RAB37: variants seen among roughly 807,000 people sequenced by gnomAD.
RAB37 encodes ras-related protein Rab-37.
Under a neutral mutation model 33.1 loss-of-function variants are expected in RAB37, and 29 were observed. The observed-to-expected ratio is 0.88, with a 90% CI of 0.65 to 1.20. The LOEUF (loss-of-function observed/expected upper bound fraction) is 1.20, where lower values mean the gene tolerates loss of function less well. Among genes scored for constraint, RAB37 ranks in the 50% most tolerant of loss-of-function variants. RAB37 has a pLI of 0.00. For synonymous variants in RAB37, 128 were observed against 119.5 expected (o/e 1.07, Z -0.47); for missense variants, 299 against 301.1 (o/e 0.99, Z 0.05).
At chr17:74,674,094 T>G (rs2031767938) in intron 1 of RAB37, among the ~76,000 whole-genome samples, 1 of 152,158 alleles carries the variant, frequency 6.6e-6, no homozygotes. Context: ...ATTCTTTTTT[T>G]GAAGTGGGGT....
At chr17:74,716,513 AT>A (rs2034166380) in intron 1 of RAB37, among the ~76,000 whole-genome samples, 1 of 152,102 alleles carries the variant, frequency 6.6e-6, no homozygotes, top group Admixed American at 6.5e-5. Context: ...CATATTTTCC[AT>A]CATTATTACA....
At chr17:74,708,657 C>T (rs185949884) in intron 1 of RAB37, among the ~76,000 whole-genome samples, 3 of 152,318 alleles carry the variant, frequency 2.0e-5, no homozygotes, top group East Asian at 3.9e-4. Flanking sequence ...TGGCTTACAC[C>T]GGTAATCCCA....
chr17:74,736,881 G>C (rs910677477), upstream of RAB37: 2 of 1,496,922 alleles, frequency 1.3e-6, no homozygotes, highest in Non-Finnish European at 1.8e-6. Context: ...CCCACGGCCC[G>C]GGGCTCGGGC....
chr17:74,721,327 C>A (rs2034237033), intron 1 of RAB37, among the ~76,000 whole-genome samples: 2 of 152,266 alleles, frequency 1.3e-5, no homozygotes, highest in South Asian at 4.1e-4. Context: ...TTTCACAGTA[C>A]TGCATTGTAT....
At chr17:74,714,520 C>T (rs573107721) in intron 1 of RAB37, among the ~76,000 whole-genome samples, 2 of 152,032 alleles carry the variant, frequency 1.3e-5, no homozygotes, top group South Asian at 2.1e-4. Context: ...CCTGAGAACA[C>T]GAAGGAAGCT....
chr17:74,713,820 T>A (rs932727762), intron 1 of RAB37, among the ~76,000 whole-genome samples: 1 of 147,246 alleles, frequency 6.8e-6, no homozygotes, highest in East Asian at 2.0e-4. Context: ...CTCAGCACTT[T>A]AGGAGGCTGA....
intron 1 of RAB37, among the ~76,000 whole-genome samples, chr17:74,695,492 T>G (rs4789092): frequency 0.12 from 18,353 of 152,180 alleles, 2,399 homozygotes; most frequent in African/African-American, 0.32. Flanking sequence ...TCACTCAGCC[T>G]GTCTGGGACT....
intron 1 of RAB37, among the ~76,000 whole-genome samples, chr17:74,706,273 G>GA (rs144675318): frequency 0.023 from 3,116 of 137,512 alleles, 82 homozygotes; most frequent in African/African-American, 0.056. Flanking sequence ...CATTTTAAAG[G>GA]AAAAAAAAAA....
chr17:74,678,920 G>A (rs2031897168), intron 1 of RAB37, among the ~76,000 whole-genome samples: 2 of 152,070 alleles, frequency 1.3e-5, no homozygotes. Flanking sequence ...AGATCAGCCT[G>A]GCCAGCATGA....
chr17:74,697,803 A>G (rs1340754409), intron 1 of RAB37, among the ~76,000 whole-genome samples: 1 of 152,148 alleles, frequency 6.6e-6, no homozygotes, highest in African/African-American at 2.4e-5. Flanking sequence ...CAAGGGAGGG[A>G]CAGAAGGAAA....
intron 1 of RAB37, among the ~76,000 whole-genome samples, chr17:74,707,109 G>A (rs1462595811): frequency 6.6e-6 from 1 of 152,164 alleles, no homozygotes. Flanking sequence ...CAAAAGCACA[G>A]GCAACAAAAG....
chr17:74,728,756 ATG>A (rs1461414621), intron 1 of RAB37, among the ~76,000 whole-genome samples: 1 of 142,954 alleles, frequency 7.0e-6, no homozygotes, highest in African/African-American at 2.7e-5. Context: ...CTGTGTCTGT[ATG>A]TGTCTTGTGC....
chr17:74,741,628 A>T (rs897210627), intron 2 of RAB37, among the ~76,000 whole-genome samples: 4 of 149,266 alleles, frequency 2.7e-5, no homozygotes, highest in African/African-American at 7.5e-5. Flanking sequence ...ATGTTGGGAG[A>T]CAGCAGCTCA....
At chr17:74,685,727 A>G (rs1049539209) in intron 1 of RAB37, among the ~76,000 whole-genome samples, 1 of 152,154 alleles carries the variant, frequency 6.6e-6, no homozygotes, top group Non-Finnish European at 1.5e-5. Flanking sequence ...AAGCTCCCCC[A>G]AACCCCTTTA....
chr17:74,678,622 T>C (rs899221241), intron 1 of RAB37, among the ~76,000 whole-genome samples: 12 of 152,226 alleles, frequency 7.9e-5, no homozygotes, highest in African/African-American at 2.9e-4. Context: ...TGTGCTTAAG[T>C]TCAAATTTTC....
intron 1 of RAB37, among the ~76,000 whole-genome samples, chr17:74,685,120 G>C (rs74720470): frequency 2.7e-5 from 4 of 146,834 alleles, no homozygotes; most frequent in African/African-American, 1.0e-4. Flanking sequence ...AAAAAAAAAA[G>C]AAGGCTCCTA....
chr17:74,689,738 G>A (rs1298351042), intron 1 of RAB37, among the ~76,000 whole-genome samples: 1 of 152,164 alleles, frequency 6.6e-6, no homozygotes, highest in East Asian at 1.9e-4. Context: ...CCTTTCCAAG[G>A]CTAAGCAGCT....
At chr17:74,711,331 C>T (rs1045734114) in intron 1 of RAB37, among the ~76,000 whole-genome samples, 4 of 152,150 alleles carry the variant, frequency 2.6e-5, no homozygotes, top group Non-Finnish European at 2.9e-5. Flanking sequence ...CACATCTGCT[C>T]ACTACCAAAT....
chr17:74,671,369 T>A lies in RAB37; in HGVS notation c.-218T>A. 1 of 553,946 alleles carries A rather than the reference T, an allele frequency of 1.8e-6. No homozygotes were observed. The highest frequency in any genetic ancestry group is 3.2e-6 in the Non-Finnish European group (1 of 309,850). 34.3% of individuals were successfully genotyped at this position (553,946 alleles called of 1,614,324 possible). A position where few individuals can be genotyped will look rare whatever the true frequency, so the allele number is the denominator to read the frequency against. ...CGCACAACGGCGGAGTCGCTGTTCC[T>A]GGTGCTGAAACGCTCAGTCCTGGAA... On this transcript the variant is annotated 5_prime_UTR_variant, in exon 1 of 8. Coordinates refer to the RAB37 transcript ENST00000340415. This position sits in a 1 kb window ranked among gnomAD's most constrained non-coding sequence, Gnocchi z 5.0.
Sources: allele counts gnomAD v4.1 joint callset (sites outside exome capture counted in the v4.1 genomes callset), GRCh38; gene constraint gnomAD v4.1.1; non-coding constraint Gnocchi (gnomAD v3.1); transcripts MANE v1.5; gene names NCBI Gene and HGNC (gene_info 2026-07-23, HGNC 2026-07-21).